Variants in ITFG1 observed in about 807,000 individuals in gnomAD.
ITFG1 encodes T-cell immunomodulatory protein.
ITFG1 carries 34 observed loss-of-function variants against 81.8 expected under a neutral mutation model. That is an observed-to-expected ratio of 0.42 (90% CI 0.32 to 0.55). The LOEUF (loss-of-function observed/expected upper bound fraction) is 0.55. ITFG1 is among the 20% of genes least tolerant of loss of function. The pLI, the probability that ITFG1 is intolerant of heterozygous loss-of-function variation, is 0.17. For synonymous variants in ITFG1, 285 were observed against 270.6 expected (o/e 1.05, Z -0.52); for missense variants, 672 against 755.4 (o/e 0.89, Z 1.29).
chr16:47,288,668 G>A (rs927596856), intron 10 of ITFG1, among the ~76,000 whole-genome samples: 3 of 151,962 alleles, frequency 2.0e-5, no homozygotes, highest in African/African-American at 4.8e-5. Context: ...AAAGGCCAAG[G>A]TAGGAAGATT....
intron 6 of ITFG1, among the ~76,000 whole-genome samples, chr16:47,378,821 G>A (rs1344283797): frequency 3.3e-5 from 5 of 152,072 alleles, no homozygotes; most frequent in African/African-American, 7.2e-5. Context: ...TGAATGAAAT[G>A]GGAATGAAGA....
chr16:47,214,780 C>T (rs528775985), intron 14 of ITFG1, among the ~76,000 whole-genome samples: 26 of 152,152 alleles, frequency 1.7e-4, no homozygotes, highest in African/African-American at 6.3e-4. Context: ...TATCTGTAAG[C>T]AATAGGATAA....
intron 13 of ITFG1, among the ~76,000 whole-genome samples, chr16:47,221,873 G>A (rs1257004457): frequency 6.6e-6 from 1 of 152,198 alleles, no homozygotes; most frequent in African/African-American, 2.4e-5. Context: ...TATTTGCGTA[G>A]AGGTGTTTGT....
At chr16:47,269,821 T>C (rs1321784416) in intron 10 of ITFG1, among the ~76,000 whole-genome samples, 1 of 152,052 alleles carries the variant, frequency 6.6e-6, no homozygotes, top group African/African-American at 2.4e-5. Flanking sequence ...ACAAAGAAAC[T>C]AGAACAGCCA....
Position 47,371,913 on chromosome 16 carries a change from C to CTTT in ITFG1, c.720+3960_720+3962dup, listed in dbSNP as rs367779096. On this transcript the variant is annotated intron_variant, in intron 7 of 17. Transcript: ENST00000320640. ...CAAGGATCTGGTTTTGCCACTCTCTCTTTTTTTTTTTTTTTCCTGAGACAG... is the reference window on the plus strand; with the variant it reads ...CAAGGATCTGGTTTTGCCACTCTCTCTTTTTTTTTTTTTTTTTTCCTGAGACAG... Among the ~76,000 whole-genome samples, 4 of 143,204 alleles carry CTTT rather than the reference C, an allele frequency of 2.8e-5. No homozygotes were observed. In the South Asian group the frequency reaches 6.7e-4, roughly 24 times the overall value. The allele number at this position is 143,204 out of a possible 152,430, so 93.9% of individuals were successfully genotyped here.
chr16:47,271,546 G>A (rs1966340312), intron 10 of ITFG1, among the ~76,000 whole-genome samples: 1 of 152,190 alleles, frequency 6.6e-6, no homozygotes, highest in Admixed American at 6.5e-5. Flanking sequence ...TTGAAATACA[G>A]TCTGGTGGTT....
rs996356083 is a variant in ITFG1, at chr16:47,410,655, C to A, written c.655+18149G>T. Among the ~76,000 whole-genome samples, 83 of 152,270 alleles carry A rather than the reference C, an allele frequency of 5.5e-4. 1 individual carries two copies. Among genetic ancestry groups the A allele is most frequent in the African/African-American group, 2.0e-3 (83 of 41,548 alleles). Reference sequence around the variant, plus strand: ...TTGACGAGTTCCTGGCCCTAAACAGCTCCTAAGGAAGGTGTGAGTGAAGGA... The same window carrying A: ...TTGACGAGTTCCTGGCCCTAAACAGATCCTAAGGAAGGTGTGAGTGAAGGA... On this transcript the variant is annotated intron_variant, in intron 6 of 17. Coordinates refer to ENST00000320640, the MANE Select transcript of ITFG1 (RefSeq NM_030790.5).
At chr16:47,337,899 C>T (rs1279029477) in intron 8 of ITFG1, among the ~76,000 whole-genome samples, 1 of 152,212 alleles carries the variant, frequency 6.6e-6, no homozygotes, top group African/African-American at 2.4e-5. Context: ...TGTAGAAGTG[C>T]CCTAGCACAG....
chr16:47,429,459 G>A (rs1453559385), intron 5 of ITFG1, among the ~76,000 whole-genome samples: 2 of 152,228 alleles, frequency 1.3e-5, no homozygotes, highest in South Asian at 2.1e-4. Flanking sequence ...ACCTAGGAGT[G>A]GAATTGTTGG....
At chr16:47,234,463 A>C (rs1485710940) in intron 13 of ITFG1, among the ~76,000 whole-genome samples, 1 of 152,216 alleles carries the variant, frequency 6.6e-6, no homozygotes, top group Non-Finnish European at 1.5e-5. Flanking sequence ...AGAAGAAGAA[A>C]GAGAGAAAGG....
chr16:47,445,728 C>T (rs1485166657), intron 5 of ITFG1, among the ~76,000 whole-genome samples: 1 of 152,120 alleles, frequency 6.6e-6, no homozygotes, highest in Non-Finnish European at 1.5e-5. Context: ...AGGATTGGAT[C>T]TTAAGAGACA....
intron 13 of ITFG1, among the ~76,000 whole-genome samples, chr16:47,232,060 G>A (rs1965821835): frequency 6.6e-6 from 1 of 152,236 alleles, no homozygotes; most frequent in African/African-American, 2.4e-5. Context: ...GCAGCCTCAA[G>A]AAGCTGGAAA....
chr16:47,184,295 T>A (rs1341681064), intron 14 of ITFG1, among the ~76,000 whole-genome samples: 1 of 152,006 alleles, frequency 6.6e-6, no homozygotes, highest in Non-Finnish European at 1.5e-5. Context: ...AAGATACTCC[T>A]CGAGAAGAGC....
Position 47,460,834 on chromosome 16 carries a change from T to C in ITFG1, c.208+4A>G. 6.2e-7 allele frequency: 1 copy of C among 1,613,028 alleles called. No individual in the cohort carries two copies. The highest frequency in any genetic ancestry group is 8.5e-7 in the Non-Finnish European group (1 of 1,179,782). On this transcript the variant is annotated splice_donor_region_variant and intron_variant, in intron 1 of 17. Coordinates refer to ENST00000320640, the MANE Select transcript of ITFG1 (RefSeq NM_030790.5). ...AACAGAGGGAGGGCCCGGCAAGCACTGACTTTCCCGCAGCACGAAGAGATC... is the reference window on the plus strand; with the variant it reads ...AACAGAGGGAGGGCCCGGCAAGCACCGACTTTCCCGCAGCACGAAGAGATC...
At chr16:47,405,011 A>T (rs1968710320) in intron 6 of ITFG1, among the ~76,000 whole-genome samples, 1 of 151,910 alleles carries the variant, frequency 6.6e-6, no homozygotes, top group Admixed American at 6.6e-5. Flanking sequence ...TCCACTTTGG[A>T]ACTCAATTCA....
At chr16:47,314,868 T>G (rs1292403818) in intron 8 of ITFG1, among the ~76,000 whole-genome samples, 1 of 152,158 alleles carries the variant, frequency 6.6e-6, no homozygotes, top group Non-Finnish European at 1.5e-5. Flanking sequence ...GAAATATGCT[T>G]CATTGTATAT....
At chr16:47,203,103 C>T (rs1965447229) in intron 14 of ITFG1, among the ~76,000 whole-genome samples, 1 of 152,114 alleles carries the variant, frequency 6.6e-6, no homozygotes, top group Admixed American at 6.5e-5. Context: ...CCCAAGTGTC[C>T]ATGAACTGGG....
intron 12 of ITFG1, among the ~76,000 whole-genome samples, chr16:47,246,737 G>C (rs1446562402): frequency 6.6e-6 from 1 of 152,106 alleles, no homozygotes; most frequent in Non-Finnish European, 1.5e-5. Context: ...TTTTGTTAAG[G>C]AGTGCTACAG....
At chr16:47,425,391 CT>C (rs1355701654) in intron 6 of ITFG1, among the ~76,000 whole-genome samples, 3 of 152,172 alleles carry the variant, frequency 2.0e-5, no homozygotes. Context: ...CCCTGACCCC[CT>C]GCAGTTCCTG....
Sources: gnomAD v4.1 joint callset for allele counts (sites outside exome capture counted in the v4.1 genomes callset) on GRCh38, gnomAD v4.1.1 for gene constraint, MANE v1.5 for transcripts, NCBI Gene and HGNC (gene_info 2026-07-23, HGNC 2026-07-21) for gene names.